CHN2: variants seen among roughly 807,000 people sequenced by gnomAD.
CHN2 encodes the protein chimerin 2.
In CHN2, 35 loss-of-function variants were observed where a neutral mutation model predicts 56.3. The observed-to-expected ratio is 0.62, with a 90% CI of 0.47 to 0.82. The LOEUF (loss-of-function observed/expected upper bound fraction) is 0.82, where lower values mean the gene tolerates loss of function less well. CHN2 is among the 40% of genes least tolerant of loss of function. The pLI, the probability that CHN2 is intolerant of heterozygous loss-of-function variation, is 0.00. For synonymous variants in CHN2, 210 were observed against 212.8 expected (o/e 0.99, Z 0.12); for missense variants, 491 against 580.5 (o/e 0.85, Z 1.58).
At chr7:29,441,059 CA>C (rs1287692935) in intron 6 of CHN2, among the ~76,000 whole-genome samples, 3 of 152,064 alleles carry the variant, frequency 2.0e-5, no homozygotes, top group African/African-American at 7.3e-5. Context: ...ATAATGAGAA[CA>C]TTTGAGATTT....
At chr7:29,318,404 G>T (rs1269463136) in intron 1 of CHN2, among the ~76,000 whole-genome samples, 1 of 152,208 alleles carries the variant, frequency 6.6e-6, no homozygotes, top group Non-Finnish European at 1.5e-5. Context: ...TTTCTCTCCA[G>T]CCCTTTACAG....
intron 1 of CHN2, among the ~76,000 whole-genome samples, chr7:29,275,989 C>T (rs750088893): frequency 2.6e-5 from 4 of 151,968 alleles, no homozygotes; most frequent in Non-Finnish European, 4.4e-5. Context: ...TCACTAGAAG[C>T]CCAAACCCCG....
intron 1 of CHN2, among the ~76,000 whole-genome samples, chr7:29,298,533 G>C (rs1278251270): frequency 6.6e-6 from 1 of 152,160 alleles, no homozygotes; most frequent in Admixed American, 6.5e-5. Flanking sequence ...TGCTTGCTGA[G>C]ATTTGGGTGC....
rs999906740 is a variant in CHN2 at position 29,168,513 on chromosome 7, C to T, written c.274+21553C>T. ...TGTAATCTCTACCCATTCCTCCCAC[C>T]CCTGGATTATTTTGAAGAAAATGCC... On this transcript the variant is annotated intron_variant, in intron 2 of 6. Transcript: ENST00000439384. Among the ~76,000 whole-genome samples, 12 of 152,282 alleles carry T rather than the reference C, an allele frequency of 7.9e-5. No homozygotes were observed. The South Asian group carries it at 1.0e-3, about 13-fold the overall frequency.
At chr7:29,413,861 A>G (rs1481695647) in intron 6 of CHN2, among the ~76,000 whole-genome samples, 1 of 152,160 alleles carries the variant, frequency 6.6e-6, no homozygotes, top group Non-Finnish European at 1.5e-5. Context: ...TCTTCCCAAT[A>G]TCGGTACTCA....
At chr7:29,352,151 C>T (rs1797930356) in intron 1 of CHN2, among the ~76,000 whole-genome samples, 1 of 152,142 alleles carries the variant, frequency 6.6e-6, no homozygotes, top group Non-Finnish European at 1.5e-5. Context: ...TAAAGATCTG[C>T]AGAAAGGGGA....
At chr7:29,495,849 C>G in intron 7 of CHN2, 103 bp from the exon 8 acceptor site, 1 of 865,102 alleles carries the variant, frequency 1.2e-6, no homozygotes, top group Admixed American at 2.2e-5. Context: ...AAGGAAAAGC[C>G]CAGTGGGGGA....
chr7:29,441,637 T>C (rs972503050), intron 6 of CHN2, among the ~76,000 whole-genome samples: 1 of 152,214 alleles, frequency 6.6e-6, no homozygotes, highest in Non-Finnish European at 1.5e-5. Context: ...ATCGATATTT[T>C]TCCAAAGAAA....
In CHN2 at chr7:29,220,280, A is replaced by AAGAGAGAGAGAG. The variant is rs60474405; in HGVS notation, c.49+25300_49+25311dup. On this transcript the variant is annotated intron_variant, in intron 1 of 12. Transcript: ENST00000222792. ...GGGAGACCCTGTCTTAAAAAAAAAAAAGAGAGAGAGAGAGAGAGAGAAAGC... is the reference window on the plus strand; with the variant it reads ...GGGAGACCCTGTCTTAAAAAAAAAAAAGAGAGAGAGAGAGAGAGAGAGAGAGAGAGAGAAAGC... 8.4e-3 allele frequency among the ~76,000 whole-genome samples: 1,158 copies of AAGAGAGAGAGAG among 138,156 alleles called. 11 individuals carry two copies. Among genetic ancestry groups the AAGAGAGAGAGAG allele is most frequent in the Non-Finnish European group, 0.012 (808 of 65,708 alleles). 90.6% of individuals were successfully genotyped at this position (138,156 alleles called of 152,430 possible). A position where few individuals can be genotyped will look rare whatever the true frequency, so the allele number is the denominator to read the frequency against.
In CHN2 at chr7:29,398,393, G is replaced by A. The variant is rs1397057472; in HGVS notation, c.197G>A (p.Arg66Gln). The part of the protein sequence containing the change: ...YGREFHGIIS[R>Q]EQADELLGGV... ...TTCAGGTTTCATGGGATCATCTCTC[G>A]GGAGCAGGCGGATGAGCTTCTTGGA... Residue 66 changes from arginine to glutamine, a missense_variant, in exon 5 of 13, where the codon CGG becomes CAG. Physicochemically the swap from Arg to Gln is conservative, Grantham distance 43. Coordinates refer to ENST00000222792, the MANE Select transcript of CHN2 (RefSeq NM_004067.4). 4 of 1,613,192 alleles carry A rather than the reference G, an allele frequency of 2.5e-6. No homozygotes were observed. The highest frequency in any genetic ancestry group is 1.1e-5 in the South Asian group (1 of 91,072).
chr7:29,219,303 A>G (rs1371008280), intron 1 of CHN2, among the ~76,000 whole-genome samples: 2 of 152,230 alleles, frequency 1.3e-5, no homozygotes, highest in Non-Finnish European at 2.9e-5. Context: ...TCAAAGGTGT[A>G]TTTTACAATC....
At chr7:29,440,375 A>G (rs1783543625) in intron 6 of CHN2, among the ~76,000 whole-genome samples, 1 of 152,160 alleles carries the variant, frequency 6.6e-6, no homozygotes, top group Non-Finnish European at 1.5e-5. Flanking sequence ...CACAATGGTT[A>G]TCATCACTAT....
chr7:29,486,585 T>G (rs988504526), intron 7 of CHN2, among the ~76,000 whole-genome samples: 1 of 152,130 alleles, frequency 6.6e-6, no homozygotes, highest in Non-Finnish European at 1.5e-5. Context: ...CTGTCCTGTG[T>G]GGCGCCTTTC....
At chr7:29,301,251 T>C (rs1793629777) in intron 1 of CHN2, among the ~76,000 whole-genome samples, 2 of 152,052 alleles carry the variant, frequency 1.3e-5, no homozygotes, top group Non-Finnish European at 2.9e-5. Flanking sequence ...TTATTTTATG[T>C]TTTTCTAGCA....
chr7:29,260,080 C>G (rs547489988), intron 1 of CHN2, among the ~76,000 whole-genome samples: 1 of 152,010 alleles, frequency 6.6e-6, no homozygotes, highest in African/African-American at 2.4e-5. Flanking sequence ...CAGGGTCAAG[C>G]GATTCTCCTG....
intron 1 of CHN2, among the ~76,000 whole-genome samples, chr7:29,259,539 A>G (rs1277373110): frequency 6.6e-6 from 1 of 152,154 alleles, no homozygotes; most frequent in African/African-American, 2.4e-5. Flanking sequence ...TATAATATAT[A>G]TACATATGTC....
intron 6 of CHN2, among the ~76,000 whole-genome samples, chr7:29,431,366 A>G (rs1209371168): frequency 6.6e-6 from 1 of 152,214 alleles, no homozygotes; most frequent in East Asian, 1.9e-4. Context: ...AGCCACGGCT[A>G]ACTTCGGGAG....
chr7:29,393,658 T>G (rs1435573353), intron 3 of CHN2, 21 bp from the exon 4 acceptor site: 2 of 873,990 alleles, frequency 2.3e-6, no homozygotes, highest in African/African-American at 3.5e-5. Flanking sequence ...CATTATTAAT[T>G]TTTTTTTCTT....
At chr7:29,288,276 A>C (rs1390302341) in intron 1 of CHN2, among the ~76,000 whole-genome samples, 1 of 152,172 alleles carries the variant, frequency 6.6e-6, no homozygotes, top group East Asian at 1.9e-4. Context: ...TCTGTAAAAC[A>C]GGCAGGATGT....
Sources: allele counts gnomAD v4.1 joint callset (sites outside exome capture counted in the v4.1 genomes callset), GRCh38; gene constraint gnomAD v4.1.1; transcripts MANE v1.5; gene names NCBI Gene and HGNC (gene_info 2026-07-23, HGNC 2026-07-21).